The following CLSTN1 variants were observed in gnomAD, a reference collection of about 807,000 sequenced individuals.
CLSTN1 encodes the protein calsyntenin-1.
In CLSTN1, 28 loss-of-function variants were observed where a neutral mutation model predicts 108.3. That is an observed-to-expected ratio of 0.26 (90% CI 0.19 to 0.35). The LOEUF (loss-of-function observed/expected upper bound fraction) is 0.35, where lower values mean the gene tolerates loss of function less well. CLSTN1 is among the 10% of genes least tolerant of loss of function. CLSTN1 has a pLI of 1.00. For synonymous variants in CLSTN1, 524 were observed against 534.9 expected, an observed-to-expected ratio of 0.98 and a Z score of 0.28; for missense variants, 1,157 against 1,302.6, an observed-to-expected ratio of 0.89 and a Z score of 1.72.
chr1:9,764,042 C>T (rs548497284), intron 2 of CLSTN1, among the ~76,000 whole-genome samples: 9 of 151,984 alleles, frequency 5.9e-5, no homozygotes, highest in East Asian at 1.9e-4. Flanking sequence ...CCTCAGGCTA[C>T]TTCCACTCAC....
intron 4 of CLSTN1, 54 bp from the exon 5 acceptor site, chr1:9,751,735 GAGAC>G (rs1651570710): frequency 2.0e-6 from 3 of 1,511,276 alleles, no homozygotes; most frequent in South Asian, 2.3e-5. Context: ...GTGTGAGAGA[GAGAC>G]AGAGAGTGTG....
intron 7 of CLSTN1, among the ~76,000 whole-genome samples, chr1:9,747,176 CAAAAAAAAA>C (rs70998306): frequency 6.1e-5 from 2 of 32,742 alleles, no homozygotes; most frequent in South Asian, 1.2e-3. Flanking sequence ...GAGACTGTCT[CAAAAAAAAA>C]AAAAAAAAAA....
intron 2 of CLSTN1, among the ~76,000 whole-genome samples, chr1:9,759,674 G>A (rs1651976183): frequency 1.3e-5 from 2 of 152,342 alleles, no homozygotes; most frequent in African/African-American, 2.4e-5. Context: ...CAAGGGCAGA[G>A]GTTGTTGCAG....
intron 2 of CLSTN1, among the ~76,000 whole-genome samples, chr1:9,762,685 A>G (rs370947604): frequency 1.5e-4 from 20 of 130,042 alleles, no homozygotes; most frequent in African/African-American, 4.8e-4. Flanking sequence ...CCAAGCAGCG[A>G]CTATCCACTT....
At chr1:9,763,356 T>C (rs934804770) in intron 2 of CLSTN1, among the ~76,000 whole-genome samples, 2 of 152,218 alleles carry the variant, frequency 1.3e-5, no homozygotes, top group African/African-American at 4.8e-5. Flanking sequence ...TCTCAAATTC[T>C]AGTGTGCCAA....
At chr1:9,765,253 G>A (rs1298571418) in intron 2 of CLSTN1, among the ~76,000 whole-genome samples, 3 of 151,824 alleles carry the variant, frequency 2.0e-5, no homozygotes, top group Non-Finnish European at 4.4e-5. Context: ...GCGTGGTGGC[G>A]GGCGCCTGCA....
intron 1 of CLSTN1, among the ~76,000 whole-genome samples, chr1:9,797,301 G>A (rs1289712941): frequency 2.6e-5 from 4 of 152,028 alleles, no homozygotes; most frequent in African/African-American, 9.7e-5. Flanking sequence ...AAGAAAAGGT[G>A]GGGAGAGGAA....
At position 9,823,883 on chromosome 1, in the gene CLSTN1, G is replaced by C; in HGVS notation, c.-150C>G. 1 of 209,064 alleles carries C rather than the reference G, an allele frequency of 4.8e-6. No individual in the cohort carries two copies. The highest frequency in any genetic ancestry group is 8.5e-6 in the Non-Finnish European group (1 of 117,260). 13.0% of individuals were successfully genotyped at this position (209,064 alleles called of 1,614,324 possible). ...GAGGAGCCGCCGCCGCCGCCGCCGT[G>C]ACGCTGGGCCGCGCGCTCAGGACGC... On this transcript the variant is annotated 5_prime_UTR_variant, in exon 1 of 19. Transcript: ENST00000377298. The surrounding 1 kb of genome is among the most constrained non-coding windows in gnomAD (Gnocchi z 6.3).
chr1:9,765,327 T>A (rs9699964), intron 2 of CLSTN1, among the ~76,000 whole-genome samples: 1 of 151,550 alleles, frequency 6.6e-6, no homozygotes. Flanking sequence ...GAGGTTGCGG[T>A]GAGCTGAGAT....
chr1:9,738,132 C>A (rs898004222), intron 10 of CLSTN1, among the ~76,000 whole-genome samples: 2 of 152,226 alleles, frequency 1.3e-5, no homozygotes, highest in African/African-American at 4.8e-5. Context: ...CATTCTCAAT[C>A]ACTTTTTCTG....
rs776052634 is a variant in CLSTN1 at position 9,731,895 on chromosome 1, A to G, written c.2429T>C (p.Val810Ala). The G allele has an allele frequency of 1.9e-6, 3 of 1,613,924 alleles. No homozygotes were observed. The African/African-American group carries it at 4.0e-5, about 22-fold the overall frequency. ...GGGGTTGGCCGTGTGGATTACATTC[A>G]CCTATAGCAGAGAAAGAGAGGATCG... ...RYISNEFKVE[V>A]NVIHTANPME... Residue 810 changes from valine to alanine, a missense_variant and splice_region_variant, in exon 17 of 19, where the codon GTG becomes GCG. Physicochemically the swap from Val to Ala is moderately conservative, Grantham distance 64. Transcript: ENST00000377298.
At chr1:9,792,715 G>T (rs1653822841) in intron 1 of CLSTN1, among the ~76,000 whole-genome samples, 1 of 151,426 alleles carries the variant, frequency 6.6e-6, no homozygotes, top group African/African-American at 2.4e-5. Flanking sequence ...ATGGGTCCCT[G>T]AAACAAGAGC....
intron 1 of CLSTN1, among the ~76,000 whole-genome samples, chr1:9,798,347 C>T (rs1654105779): frequency 6.6e-6 from 1 of 152,120 alleles, no homozygotes; most frequent in East Asian, 1.9e-4. Flanking sequence ...CCTGCATCAA[C>T]AGATGAACGG....
rs1260628961 is a variant in CLSTN1, at chr1:9,781,167, C to CT, written c.92-7774dup. On this transcript the variant is annotated intron_variant, in intron 1 of 18. Transcript: ENST00000377298. ...TGTGAACAAGAAATTAACCCAGAAG[C>CT]TTTATCATCAGTTATTAAGGAGCTT... 4 of 787,376 alleles carry CT rather than the reference C, an allele frequency of 5.1e-6. No homozygotes were observed. In the Admixed American group the frequency reaches 7.6e-5, roughly 15 times the overall value. 48.8% of individuals were successfully genotyped at this position (787,376 alleles called of 1,614,324 possible). A position where few individuals can be genotyped will look rare whatever the true frequency, so the allele number is the denominator to read the frequency against.
intron 7 of CLSTN1, among the ~76,000 whole-genome samples, chr1:9,748,279 T>G (rs1227250263): frequency 6.6e-6 from 1 of 152,070 alleles, no homozygotes; most frequent in African/African-American, 2.4e-5. Flanking sequence ...CCTCACCTCT[T>G]CTTCATTTAG....
chr1:9,796,447 C>T lies in CLSTN1; in HGVS notation c.92-23053G>A, dbSNP rs187699761. 4.4e-3 allele frequency among the ~76,000 whole-genome samples: 653 copies of T among 149,544 alleles called. 6 individuals are homozygous for T. The highest frequency in any genetic ancestry group is 0.014 in the African/African-American group (578 of 40,960). On this transcript the variant is annotated intron_variant, in intron 1 of 18. Coordinates refer to ENST00000377298, the MANE Select transcript of CLSTN1 (RefSeq NM_001009566.3). ...ATCCCAGCACTTTGGGAGGCCGAAG[C>T]GGGTGGATCACGAGGTCAGGAAATC...
At chr1:9,773,428 G>T (rs771971030) in intron 1 of CLSTN1, 34 bp from the exon 2 acceptor site, 19 of 1,558,622 alleles carry the variant, frequency 1.2e-5, no homozygotes, top group South Asian at 1.1e-4. Flanking sequence ...AATAGACAAG[G>T]TTAGAAATAT....
chr1:9,812,595 C>T (rs1400147310), intron 1 of CLSTN1, among the ~76,000 whole-genome samples: 1 of 152,066 alleles, frequency 6.6e-6, no homozygotes, highest in East Asian at 1.9e-4. Context: ...GCCTGTAATC[C>T]CAGCACTTTG....
At chr1:9,781,776 C>T (rs1009344568) in intron 1 of CLSTN1, among the ~76,000 whole-genome samples, 2 of 152,060 alleles carry the variant, frequency 1.3e-5, no homozygotes, top group Non-Finnish European at 2.9e-5. Context: ...AATGCTTCCA[C>T]ATCGCCATGT....
Sources: gnomAD v4.1 joint callset for allele counts (sites outside exome capture counted in the v4.1 genomes callset) on GRCh38, gnomAD v4.1.1 for gene constraint, Gnocchi (gnomAD v3.1) non-coding constraint, MANE v1.5 for transcripts, NCBI Gene and HGNC (gene_info 2026-07-23, HGNC 2026-07-21) for gene names.